The following UBAP1 variants were observed in gnomAD, a reference collection of about 807,000 sequenced individuals.
The protein encoded by UBAP1 is ubiquitin-associated protein 1.
In UBAP1, 5 loss-of-function variants were observed where a neutral mutation model predicts 39.0. The ratio of observed to expected loss-of-function variants is 0.13; its 90% CI spans 0.07 to 0.27. The LOEUF is 0.27. Ranked by LOEUF, UBAP1 falls within the 10% of genes least tolerant of loss-of-function variation. The pLI is 1.00. For missense variants in UBAP1, 490 were observed against 608.1 expected (o/e 0.81, Z 2.04); for synonymous variants, 211 against 225.1 (o/e 0.94, Z 0.56).
intron 1 of UBAP1, among the ~76,000 whole-genome samples, chr9:34,216,391 A>G (rs1246409249): frequency 6.6e-6 from 1 of 152,050 alleles, no homozygotes; most frequent in Non-Finnish European, 1.5e-5. Flanking sequence ...GACCCAGGCA[A>G]CCGCCAGTCT....
chr9:34,236,788 A>G (rs1350704927), intron 3 of UBAP1, among the ~76,000 whole-genome samples: 1 of 151,898 alleles, frequency 6.6e-6, no homozygotes, highest in African/African-American at 2.4e-5. Context: ...ATGATCTTAA[A>G]GTTTTAAATT....
At chr9:34,250,872 G>T (rs749509771) in intron 6 of UBAP1, 113 bp downstream of exon 6, 24 of 864,494 alleles carry the variant, frequency 2.8e-5, no homozygotes, top group Middle Eastern at 2.2e-4. Flanking sequence ...GTGACTACAG[G>T]TACAAGTATT....
rs1443960751 is a variant in UBAP1 at position 34,183,567 on chromosome 9, AAC to A, written c.-8+4329_-8+4330del. On this transcript the variant is annotated intron_variant, in intron 1 of 6. Coordinates refer to ENST00000297661, the MANE Select transcript of UBAP1 (RefSeq NM_016525.5). ...GACTCCGTCTCAAAAAAAAAAAAAA[AAC>A]ATTAAATAAACCTTTTTTCTAACAA... Among the ~76,000 whole-genome samples the A allele has an allele frequency of 1.1e-3, 161 of 151,280 alleles. 1 individual carries two copies. The highest frequency in any genetic ancestry group is 3.9e-3 in the African/African-American group (159 of 41,272).
chr9:34,196,096 A>G (rs1474026073), intron 1 of UBAP1, among the ~76,000 whole-genome samples: 1 of 150,706 alleles, frequency 6.6e-6, no homozygotes. Flanking sequence ...TGATTTTTAA[A>G]ATTAGCTTGC....
intron 5 of UBAP1, 35 bp from the exon 6 acceptor site, chr9:34,250,623 G>A (rs1273036987): frequency 1.9e-6 from 3 of 1,553,736 alleles, no homozygotes; most frequent in Non-Finnish European, 1.8e-6. Flanking sequence ...GCAAAGAGCA[G>A]CAGTAGGTGC....
chr9:34,207,680 A>G (rs189470285), intron 1 of UBAP1, among the ~76,000 whole-genome samples: 2 of 147,372 alleles, frequency 1.4e-5, no homozygotes, highest in South Asian at 4.3e-4. Context: ...TTTTAAAGAG[A>G]TGGGATCTTG....
At chr9:34,195,927 G>GTTTTTTTTTTTT (rs57040252) in intron 1 of UBAP1, among the ~76,000 whole-genome samples, 4 of 36,154 alleles carry the variant, frequency 1.1e-4, no homozygotes, top group African/African-American at 3.8e-4. Context: ...AAATTTTTTG[G>GTTTTTTTTTTTT]TTTTTTTTTT....
intron 1 of UBAP1, among the ~76,000 whole-genome samples, chr9:34,213,714 A>G (rs773994282): frequency 3.4e-4 from 52 of 152,166 alleles, no homozygotes; most frequent in Non-Finnish European, 3.5e-4. Context: ...CCAAACTGGT[A>G]AAGAGGAAGT....
In UBAP1 at chr9:34,235,030, A is replaced by T. The variant is rs75064455; in HGVS notation, c.159+690A>T. On this transcript the variant is annotated intron_variant, in intron 3 of 6. Transcript: ENST00000297661. ...AAGGTGGAAGACAGTGATACTGATG[A>T]TCCTATAGGCCTAGGCTGATGTGTG... 2.8e-4 allele frequency among the ~76,000 whole-genome samples: 43 copies of T among 152,222 alleles called. 1 individual carries two copies. The East Asian group carries it at 7.9e-3, about 28-fold the overall frequency.
intron 1 of UBAP1, among the ~76,000 whole-genome samples, chr9:34,194,460 A>G (rs1324560815): frequency 6.6e-6 from 1 of 151,866 alleles, no homozygotes; most frequent in African/African-American, 2.4e-5. Context: ...GACCACAGGC[A>G]CCTGCCACCA....
chr9:34,251,030 G>A lies in UBAP1; in HGVS notation c.1368+271G>A, dbSNP rs1472707998. 4 of 523,086 alleles carry A rather than the reference G, an allele frequency of 7.6e-6. No homozygotes were observed. In the Admixed American group the frequency reaches 1.3e-4, roughly 17 times the overall value. 32.4% of individuals were successfully genotyped at this position (523,086 alleles called of 1,614,324 possible). A position where few individuals can be genotyped will look rare whatever the true frequency, so the allele number is the denominator to read the frequency against. On this transcript the variant is annotated intron_variant, in intron 6 of 6. Coordinates refer to ENST00000297661, the MANE Select transcript of UBAP1 (RefSeq NM_016525.5). ...AAGCCAAACTTCTTAGATGATTAGGGAGGGAGATTGCTGGACTTTTTGCCT... is the reference window on the plus strand; with the variant it reads ...AAGCCAAACTTCTTAGATGATTAGGAAGGGAGATTGCTGGACTTTTTGCCT...
At chr9:34,206,271 A>T (rs1028833266) in intron 1 of UBAP1, 2 of 152,198 alleles carry the variant, frequency 1.3e-5, no homozygotes, top group African/African-American at 2.4e-5. Context: ...AGCCTTAAGG[A>T]TACCTTACAA....
In UBAP1 at chr9:34,249,762, T is replaced by G. The variant is rs1222976237; in HGVS notation, c.1084-17T>G. ...GGCCCAGGTCTTCTTGCCTTAATCTTCTTGTTTTTCCACTAGGTCACCCCT... is the reference window on the plus strand; with the variant it reads ...GGCCCAGGTCTTCTTGCCTTAATCTGCTTGTTTTTCCACTAGGTCACCCCT... On this transcript the variant is annotated splice_polypyrimidine_tract_variant and intron_variant, in intron 4 of 6. Transcript: ENST00000297661. 3.7e-6 allele frequency: 6 copies of G among 1,612,372 alleles called. No homozygotes were observed. Among genetic ancestry groups the G allele is most frequent in the Non-Finnish European group, 5.1e-6 (6 of 1,178,554 alleles).
In UBAP1 at chr9:34,179,230, G is replaced by C; in HGVS notation, c.-18G>C. 2 of 1,232,738 alleles carry C rather than the reference G, an allele frequency of 1.6e-6. No homozygotes were observed. The highest frequency in any genetic ancestry group is 2.0e-6 in the Non-Finnish European group (2 of 988,242). The allele number at this position is 1,232,738 out of a possible 1,614,324, so 76.4% of individuals were successfully genotyped here. ...TTCGGCTTCTGAGACGGCGGCAGCA[G>C]CGGCATTCAGGTGAGGGGGGCCTCC... On this transcript the variant is annotated 5_prime_UTR_variant, in exon 1 of 7. Coordinates refer to ENST00000297661, the MANE Select transcript of UBAP1 (RefSeq NM_016525.5).
intron 1 of UBAP1, among the ~76,000 whole-genome samples, chr9:34,195,422 C>T (rs1830973715): frequency 6.6e-6 from 1 of 151,780 alleles, no homozygotes. Context: ...AAAAGATTAC[C>T]CTTTCTAAAA....
chr9:34,242,034 T>C lies in UBAP1; in HGVS notation c.1009T>C (p.Ser337Pro), dbSNP rs770979453. The change falls in exon 4 of 7, where the codon TCC becomes CCC. Residue 337 changes from serine to proline, a missense_variant. Transcript: ENST00000297661. Reference sequence around the variant, plus strand: ...TGGCACAGAGATGCCAGCCCTGACATCCTCCCAGATGCCTTCCCTCTCTGT... The same window carrying C: ...TGGCACAGAGATGCCAGCCCTGACACCCTCCCAGATGCCTTCCCTCTCTGT... Reference protein sequence around the residue: ...DSGTEMPALTSSQMPSLSVLS... With the variant: ...DSGTEMPALTPSQMPSLSVLS... 1.9e-6 allele frequency: 3 copies of C among 1,614,134 alleles called. No individual in the cohort carries two copies. In the East Asian group the frequency reaches 6.7e-5, roughly 36 times the overall value.
intron 1 of UBAP1, among the ~76,000 whole-genome samples, chr9:34,194,837 G>A (rs1587800448): frequency 6.6e-6 from 1 of 152,022 alleles, no homozygotes; most frequent in East Asian, 1.9e-4. Context: ...TTTAGCAGTG[G>A]GGGGTTGTAT....
chr9:34,185,756 G>C (rs1587781840), intron 1 of UBAP1, among the ~76,000 whole-genome samples: 3 of 152,160 alleles, frequency 2.0e-5, no homozygotes, highest in African/African-American at 7.2e-5. Flanking sequence ...TGAGGCAGGA[G>C]AATTGCTTGA....
chr9:34,225,202 C>T (rs543245422), intron 2 of UBAP1, among the ~76,000 whole-genome samples: 7 of 152,144 alleles, frequency 4.6e-5, no homozygotes, highest in East Asian at 1.9e-4. Context: ...GCTGTCATGA[C>T]GGATATTAAA....
Sources: gnomAD v4.1 joint callset for allele counts (sites outside exome capture counted in the v4.1 genomes callset) on GRCh38, gnomAD v4.1.1 for gene constraint, MANE v1.5 for transcripts, NCBI Gene and HGNC (gene_info 2026-07-23, HGNC 2026-07-21) for gene names.